KIAA1549L: variants seen among roughly 807,000 people sequenced by gnomAD.
KIAA1549L encodes the protein UPF0606 protein KIAA1549L.
A neutral mutation model predicts 160.7 loss-of-function variants in KIAA1549L; 88 were observed. That is an observed-to-expected ratio of 0.55 (90% CI 0.46 to 0.65). KIAA1549L has a LOEUF of 0.65. KIAA1549L is among the 30% of genes least tolerant of loss of function. The pLI is 0.00. For synonymous variants in KIAA1549L, 950 were observed against 976.7 expected (o/e 0.97, Z 0.51); for missense variants, 2,258 against 2,437.5 (o/e 0.93, Z 1.55).
At chr11:33,568,783 C>A (rs984034320) in intron 9 of KIAA1549L, among the ~76,000 whole-genome samples, 1 of 152,192 alleles carries the variant, frequency 6.6e-6, no homozygotes. Context: ...ATCCCCTTAC[C>A]ATTTTTGTGC....
At chr11:33,435,798 A>ATATATGTGTGTGTGTGTGTGTG (rs1565135872) in intron 1 of KIAA1549L, among the ~76,000 whole-genome samples, 1 of 7,626 alleles carries the variant, frequency 1.3e-4, no homozygotes, top group Non-Finnish European at 2.0e-4. Context: ...ATATATATAT[A>ATATATGTGTGTGTGTGTGTGTG]TATATATATA....
chr11:33,482,246 G>A (rs1852425404), intron 1 of KIAA1549L, among the ~76,000 whole-genome samples: 1 of 151,842 alleles, frequency 6.6e-6, no homozygotes, highest in Non-Finnish European at 1.5e-5. Context: ...GAATTTTCTA[G>A]GACTATAACC....
intron 12 of KIAA1549L, among the ~76,000 whole-genome samples, chr11:33,592,104 G>A (rs1850072629): frequency 6.6e-6 from 1 of 152,230 alleles, no homozygotes; most frequent in African/African-American, 2.4e-5. Flanking sequence ...TCTAAAAAGA[G>A]TGGGGAGAGA....
At chr11:33,459,915 C>T (rs1851906409) in intron 1 of KIAA1549L, among the ~76,000 whole-genome samples, 1 of 139,964 alleles carries the variant, frequency 7.1e-6, no homozygotes, top group Non-Finnish European at 1.5e-5. Flanking sequence ...GAGCCGAGAT[C>T]CCGCCACTGC....
chr11:33,652,647 A>G (rs1379413979), intron 17 of KIAA1549L, among the ~76,000 whole-genome samples: 1 of 152,238 alleles, frequency 6.6e-6, no homozygotes, highest in East Asian at 1.9e-4. Context: ...CCTCCGCTGA[A>G]TAGCATGAGA....
chr11:33,661,162 C>G (rs988858863), intron 20 of KIAA1549L, 148 bp downstream of exon 20: 5 of 822,390 alleles, frequency 6.1e-6, no homozygotes, highest in Non-Finnish European at 7.4e-6. Context: ...TTAAAGGAGA[C>G]AGATGGTGTG....
chr11:33,473,843 A>T (rs78039050), intron 1 of KIAA1549L, among the ~76,000 whole-genome samples: 4,851 of 152,104 alleles, frequency 0.032, 240 homozygotes, highest in African/African-American at 0.11. Flanking sequence ...AAAACAGATT[A>T]AAAAAAATCT....
chr11:33,646,003 C>T lies in KIAA1549L; in HGVS notation c.5727C>T (p.Arg1909=), dbSNP rs1198006561. ...RAGVQWVPTY[R]PEMYQYSLPR... is the part of the protein sequence containing the mutation. ...GGGTGCAGTGGGTGCCGACCTACCGCCCAGAAATGTATCAGTACAGTCTGC... is the reference window on the plus strand; with the variant it reads ...GGGTGCAGTGGGTGCCGACCTACCGTCCAGAAATGTATCAGTACAGTCTGC... The change falls in exon 17 of 21, where the codon CGC becomes CGT. Residue 1909 remains arginine, a synonymous_variant. Transcript: ENST00000658780. 1 of 1,602,390 alleles carries T rather than the reference C, an allele frequency of 6.2e-7. No homozygotes were observed. The highest frequency in any genetic ancestry group is 8.5e-7 in the Non-Finnish European group (1 of 1,174,614).
chr11:33,654,754 C>T (rs1325114874), intron 17 of KIAA1549L, among the ~76,000 whole-genome samples: 1 of 152,204 alleles, frequency 6.6e-6, no homozygotes, highest in Non-Finnish European at 1.5e-5. Flanking sequence ...TTTTAGTTTG[C>T]TGAGGTGTGG....
At chr11:33,395,181 A>C (rs1325280276) in intron 1 of KIAA1549L, among the ~76,000 whole-genome samples, 2 of 152,258 alleles carry the variant, frequency 1.3e-5, no homozygotes, top group Admixed American at 1.3e-4. Flanking sequence ...CAACTCTAGC[A>C]GGACAGGAAC....
chr11:33,548,023 AATGT>A, intron 4 of KIAA1549L, 144 bp downstream of exon 4: 1 of 622,964 alleles, frequency 1.6e-6, no homozygotes, highest in Non-Finnish European at 2.9e-6. Flanking sequence ...GCAACTAGCT[AATGT>A]GTAGTGGCTT....
chr11:33,435,795 T>G (rs1480412302), intron 1 of KIAA1549L, among the ~76,000 whole-genome samples: 3 of 7,474 alleles, frequency 4.0e-4, no homozygotes, highest in Non-Finnish European at 2.0e-4. Context: ...TATATATATA[T>G]ATATATATAT....
chr11:33,542,302 C>G lies in KIAA1549L; in HGVS notation c.739C>G (p.Pro247Ala), dbSNP rs960133886. The G allele has an allele frequency of 3.1e-6, 2 of 653,020 alleles. No individual in the cohort carries two copies. The highest frequency in any genetic ancestry group is 3.6e-5 in the African/African-American group (2 of 55,726). 40.5% of individuals were successfully genotyped at this position (653,020 alleles called of 1,614,324 possible). Residue 247 changes from proline (P) to alanine (A), a missense_variant, in exon 2 of 21, where the codon CCA becomes GCA. By Grantham distance (27) the Pro-to-Ala change is conservative. Around this residue, in one of 6 missense-constraint regions of KIAA1549L, gnomAD observed 540 missense variants for 465.7 expected, o/e 1.16. Coordinates refer to ENST00000658780, the MANE Select transcript of KIAA1549L (RefSeq NM_012194.3). ...CATTCCCCCACTCCTCCCTCTACCT[C>G]CATCCTCTTCATTGGCTCCTGACTC... ...SDIPPLLPLP[P>A]SSSLAPDSPH... is the part of the protein sequence containing the mutation.
chr11:33,551,861 A>G (rs1158173517), intron 5 of KIAA1549L, among the ~76,000 whole-genome samples: 1 of 152,094 alleles, frequency 6.6e-6, no homozygotes, highest in East Asian at 1.9e-4. Flanking sequence ...TTCCAATCAA[A>G]TAAAATCATA....
chr11:33,611,050 A>G (rs1411646535), intron 15 of KIAA1549L, among the ~76,000 whole-genome samples: 4 of 152,310 alleles, frequency 2.6e-5, no homozygotes, highest in Admixed American at 1.3e-4. Flanking sequence ...GAGGGGAAAA[A>G]CATTCAACCA....
intron 1 of KIAA1549L, among the ~76,000 whole-genome samples, chr11:33,412,275 C>A (rs1270273721): frequency 1.3e-5 from 2 of 152,032 alleles, no homozygotes; most frequent in African/African-American, 4.8e-5. Context: ...TATGTTTATC[C>A]AACATTATGT....
At chr11:33,395,147 C>T (rs368108919) in intron 1 of KIAA1549L, among the ~76,000 whole-genome samples, 4 of 152,208 alleles carry the variant, frequency 2.6e-5, no homozygotes, top group Admixed American at 1.3e-4. Flanking sequence ...GATAAGGAAA[C>T]CTAGGTTCAA....
intron 1 of KIAA1549L, among the ~76,000 whole-genome samples, chr11:33,504,980 T>A (rs1853046619): frequency 6.6e-6 from 1 of 152,054 alleles, no homozygotes; most frequent in African/African-American, 2.4e-5. Flanking sequence ...TTGCCCAAGC[T>A]GGTCTCAAAC....
Position 33,441,354 on chromosome 11 carries a change from T to C in KIAA1549L, c.238+64465T>C, listed in dbSNP as rs975148146. Among the ~76,000 whole-genome samples, 1,337 of 152,072 alleles carry C rather than the reference T, an allele frequency of 8.8e-3. 19 individuals are homozygous for C. Among genetic ancestry groups the C allele is most frequent in the African/African-American group, 0.031 (1,277 of 41,458 alleles). On this transcript the variant is annotated intron_variant, in intron 1 of 20. Transcript: ENST00000658780. ...ATTTGGGTTGGTTCCAAGTCTTTGCTATTGTGAATAGTGCCGCAATAAACA... is the reference window on the plus strand; with the variant it reads ...ATTTGGGTTGGTTCCAAGTCTTTGCCATTGTGAATAGTGCCGCAATAAACA...
Sources: gnomAD v4.1 joint callset for allele counts (sites outside exome capture counted in the v4.1 genomes callset) on GRCh38, gnomAD v4.1.1 for gene constraint, gnomAD v4.1.1 regional missense constraint, MANE v1.5 for transcripts, NCBI Gene and HGNC (gene_info 2026-07-23, HGNC 2026-07-21) for gene names.